LAMA2: variants seen among roughly 807,000 people sequenced by gnomAD.
LAMA2 encodes laminin subunit alpha 2.
Under a neutral mutation model 364.8 loss-of-function variants are expected in LAMA2, and 269 were observed. The ratio of observed to expected loss-of-function variants is 0.74; its 90% confidence interval spans 0.67 to 0.82. LAMA2 has a LOEUF of 0.82. Ranked by LOEUF, LAMA2 falls within the 40% of genes least tolerant of loss-of-function variation. The probability of loss-of-function intolerance (pLI) is 0.00; values close to 1 mark genes in which losing one functional copy is unlikely to be tolerated. For synonymous variants in LAMA2, 1,379 were observed against 1,370.6 expected (o/e 1.01, Z -0.14); for missense variants, 3,807 against 3,873.2 (o/e 0.98, Z 0.45).
intron 19 of LAMA2, among the ~76,000 whole-genome samples, chr6:129,290,212 T>A (rs1273702401): frequency 1.3e-5 from 2 of 152,128 alleles, no homozygotes; most frequent in African/African-American, 2.4e-5. Context: ...ACTCCTAAAG[T>A]CTAAATAATT....
In LAMA2 at chr6:129,401,226, A is replaced by G. The variant is rs1554289590; in HGVS notation, c.5448A>G (p.Lys1816=). The change falls in exon 38 of 65, where the codon AAA becomes AAG. Residue 1816 remains lysine, a splice_region_variant and synonymous_variant. Transcript: ENST00000421865. ...GTCTTGTTCATAATGGTCTACAGAA[A>G]AAGAAGGAGGCTGTTGAAAGCGGCA... ...VNQKNMTALE[K]KKEAVESGKR... is the part of the protein sequence containing the mutation. 6 of 1,575,962 alleles carry G rather than the reference A, an allele frequency of 3.8e-6. No homozygotes were observed. Among genetic ancestry groups the G allele is most frequent in the Non-Finnish European group, 5.2e-6 (6 of 1,146,028 alleles).
chr6:128,947,552 A>G (rs1780554483), intron 1 of LAMA2, among the ~76,000 whole-genome samples: 1 of 152,220 alleles, frequency 6.6e-6, no homozygotes, highest in Admixed American at 6.6e-5. Context: ...AAGTAATTCA[A>G]TCATGAGGTT....
intron 1 of LAMA2, among the ~76,000 whole-genome samples, chr6:128,986,306 G>A (rs1783233056): frequency 6.6e-6 from 1 of 152,078 alleles, no homozygotes; most frequent in Admixed American, 6.5e-5. Flanking sequence ...TTTAGAAACA[G>A]TCATTTCTTG....
At position 129,516,259 on chromosome 6, in the gene LAMA2, C is replaced by A; in HGVS notation, c.9281C>A (p.Thr3094Asn). Reference sequence around the variant, plus strand: ...GGTTGCATCAGATCCCTGAAGCTCACCAAAGGCACAGGCAAGCCACTGGAG... The same window carrying A: ...GGTTGCATCAGATCCCTGAAGCTCAACAAAGGCACAGGCAAGCCACTGGAG... ...FRGCIRSLKL[T>N]KGTGKPLEVN... Residue 3094 changes from threonine to asparagine, a missense_variant, in exon 65 of 65, where the codon ACC becomes AAC. By Grantham distance (65) the Thr-to-Asn change is moderately conservative. Transcript: ENST00000421865. The A allele has an allele frequency of 6.2e-7, 1 of 1,614,074 alleles. No homozygotes were observed. The highest frequency in any genetic ancestry group is 1.1e-5 in the South Asian group (1 of 91,082).
At chr6:129,296,927 C>G (rs910547221) in intron 20 of LAMA2, among the ~76,000 whole-genome samples, 1 of 151,900 alleles carries the variant, frequency 6.6e-6, no homozygotes, top group Non-Finnish European at 1.5e-5. Flanking sequence ...GAAAGTCAGC[C>G]GAAGCTGGTA....
At chr6:129,334,620 G>A (rs900139047) in intron 29 of LAMA2, among the ~76,000 whole-genome samples, 6 of 152,126 alleles carry the variant, frequency 3.9e-5, no homozygotes, top group African/African-American at 7.2e-5. Flanking sequence ...AGTCCATTTC[G>A]GATGTTGTAA....
chr6:129,096,583 A>G (rs1378717004), intron 3 of LAMA2, among the ~76,000 whole-genome samples: 2 of 152,212 alleles, frequency 1.3e-5, no homozygotes, highest in East Asian at 3.9e-4. Flanking sequence ...GTGATACTCA[A>G]TAAAACAGAA....
intron 22 of LAMA2, among the ~76,000 whole-genome samples, chr6:129,307,827 T>C (rs1773972829): frequency 1.3e-5 from 2 of 152,334 alleles, no homozygotes; most frequent in African/African-American, 4.8e-5. Context: ...AGAGCAATAA[T>C]AAGGGCATTT....
At chr6:129,485,045 CA>C (rs1253045013) in intron 55 of LAMA2, among the ~76,000 whole-genome samples, 1 of 152,060 alleles carries the variant, frequency 6.6e-6, no homozygotes, top group Non-Finnish European at 1.5e-5. Context: ...ACATAATAAG[CA>C]CTAAATAAAT....
At chr6:129,360,441 C>G (rs1172374655) in intron 32 of LAMA2, among the ~76,000 whole-genome samples, 1 of 152,140 alleles carries the variant, frequency 6.6e-6, no homozygotes, top group Non-Finnish European at 1.5e-5. Flanking sequence ...GTAAAGGGCA[C>G]TTTCCCCATG....
chr6:129,156,503 C>T (rs1779122493), intron 8 of LAMA2, among the ~76,000 whole-genome samples: 1 of 150,490 alleles, frequency 6.6e-6, no homozygotes, highest in Non-Finnish European at 1.5e-5. Context: ...GACTTTATGC[C>T]CTATAGCCAT....
intron 62 of LAMA2, among the ~76,000 whole-genome samples, chr6:129,508,596 C>T (rs1461643862): frequency 6.6e-6 from 1 of 152,142 alleles, no homozygotes. Context: ...TTTTAGCTCC[C>T]ACAGATAAGT....
At chr6:128,896,828 T>C (rs1174492430) in intron 1 of LAMA2, among the ~76,000 whole-genome samples, 3 of 152,236 alleles carry the variant, frequency 2.0e-5, no homozygotes, top group Non-Finnish European at 2.9e-5. Flanking sequence ...TTCACTTTAA[T>C]GGAAATTAAT....
intron 8 of LAMA2, among the ~76,000 whole-genome samples, chr6:129,159,333 G>A (rs1240621243): frequency 2.0e-5 from 3 of 152,158 alleles, no homozygotes; most frequent in Admixed American, 2.0e-4. Context: ...TTTGACCTAT[G>A]CTTCCATCTC....
chr6:129,257,494 A>G (rs1177787662), intron 14 of LAMA2, among the ~76,000 whole-genome samples: 1 of 152,132 alleles, frequency 6.6e-6, no homozygotes, highest in Non-Finnish European at 1.5e-5. Context: ...TGTTTCTTAA[A>G]GTAGTCAACT....
intron 4 of LAMA2, among the ~76,000 whole-genome samples, chr6:129,115,377 T>G (rs727183): frequency 0.26 from 39,915 of 151,960 alleles, 5,994 homozygotes; most frequent in African/African-American, 0.42. Flanking sequence ...TATTCTGGAT[T>G]ATCATTTTGT....
At chr6:128,975,297 A>C (rs1782458516) in intron 1 of LAMA2, among the ~76,000 whole-genome samples, 1 of 152,222 alleles carries the variant, frequency 6.6e-6, no homozygotes, top group African/African-American at 2.4e-5. Context: ...AGGAAGTGGC[A>C]ATTAACCTGA....
chr6:128,885,215 G>T (rs1776078084), intron 1 of LAMA2, among the ~76,000 whole-genome samples: 1 of 152,108 alleles, frequency 6.6e-6, no homozygotes, highest in African/African-American at 2.4e-5. Flanking sequence ...TATATCTGGA[G>T]GTTGGCTCAA....
At chr6:129,083,689 T>C (rs937655896) in intron 3 of LAMA2, among the ~76,000 whole-genome samples, 5 of 152,208 alleles carry the variant, frequency 3.3e-5, no homozygotes, top group African/African-American at 1.2e-4. Flanking sequence ...TTGTTAAAAG[T>C]TTCAAAGTAG....
Sources: allele counts gnomAD v4.1 joint callset (sites outside exome capture counted in the v4.1 genomes callset), GRCh38; gene constraint gnomAD v4.1.1; transcripts MANE v1.5; gene names NCBI Gene and HGNC (gene_info 2026-07-23, HGNC 2026-07-21).